ANKRD42: variants seen among roughly 807,000 people sequenced by gnomAD.
ANKRD42 encodes the protein ankyrin repeat domain 42, also known as ankyrin repeat domain-containing protein 42.
In ANKRD42, 43 loss-of-function variants were observed where a neutral mutation model predicts 51.5. The ratio of observed to expected loss-of-function variants is 0.83; its 90% CI spans 0.65 to 1.08. The LOEUF (loss-of-function observed/expected upper bound fraction) is 1.08, where lower values mean the gene tolerates loss of function less well. Among genes scored for constraint, ANKRD42 ranks in the 50% least tolerant of loss-of-function variants. The pLI, the probability that ANKRD42 is intolerant of heterozygous loss-of-function variation, is 0.00. For missense variants in ANKRD42, 608 were observed against 629.3 expected (o/e 0.97, Z 0.36); for synonymous variants, 203 against 213.0 (o/e 0.95, Z 0.41).
At chr11:83,249,862 A>G (rs554838637), downstream of ANKRD42, among the ~76,000 whole-genome samples, 1 of 152,338 alleles carries the variant, frequency 6.6e-6, no homozygotes, top group East Asian at 1.9e-4. Flanking sequence ...GAGGAATAAT[A>G]ATACCTACCT....
At chr11:83,208,551 G>A (rs1179352520) in intron 3 of ANKRD42, among the ~76,000 whole-genome samples, 4 of 152,154 alleles carry the variant, frequency 2.6e-5, no homozygotes, top group Non-Finnish European at 5.9e-5. Flanking sequence ...ATTTTTTGCT[G>A]TAATCACTAA....
chr11:83,262,803 G>T (rs1486840277), downstream of ANKRD42, among the ~76,000 whole-genome samples: 1 of 152,142 alleles, frequency 6.6e-6, no homozygotes, highest in African/African-American at 2.4e-5. Flanking sequence ...TCAGTTTTAA[G>T]AAATGGGATT....
chr11:83,247,203 G>A (rs1863567213), intron 10 of ANKRD42, among the ~76,000 whole-genome samples: 1 of 151,580 alleles, frequency 6.6e-6, no homozygotes, highest in African/African-American at 2.4e-5. Flanking sequence ...AGTACCTCAT[G>A]GTGGAAAAAT....
In ANKRD42 at chr11:83,236,277, C is replaced by T. The variant is rs185603581; in HGVS notation, c.914-127C>T. 3 of 558,112 alleles carry T rather than the reference C, an allele frequency of 5.4e-6. No homozygotes were observed. The East Asian group carries it at 9.2e-5, about 17-fold the overall frequency. The allele number at this position is 558,112 out of a possible 1,614,324, so 34.6% of individuals were successfully genotyped here. Reference sequence around the variant, plus strand: ...TAATATTTGCCCAATGTACTTTTGCCAGTTACTGCAAGGATCAATACTTAA... The same window carrying T: ...TAATATTTGCCCAATGTACTTTTGCTAGTTACTGCAAGGATCAATACTTAA... On this transcript the variant is annotated intron_variant, in intron 7 of 10. Coordinates refer to ENST00000533342, the MANE Select transcript of ANKRD42 (RefSeq NM_001300975.2).
At chr11:83,222,550 A>G (rs1317203541) in intron 5 of ANKRD42, among the ~76,000 whole-genome samples, 2 of 152,232 alleles carry the variant, frequency 1.3e-5, no homozygotes, top group Non-Finnish European at 2.9e-5. Flanking sequence ...TGAGGAAGTG[A>G]CAATTGGATA....
chr11:83,254,931 C>T (rs899262673), intron 11 of ANKRD42, among the ~76,000 whole-genome samples: 1 of 152,174 alleles, frequency 6.6e-6, no homozygotes, highest in Non-Finnish European at 1.5e-5. Flanking sequence ...TTATCCTACT[C>T]TCAAGTTTGC....
chr11:83,227,605 C>G (rs1565189802), intron 6 of ANKRD42, 142 bp from the exon 7 acceptor site: 1 of 706,944 alleles, frequency 1.4e-6, no homozygotes, highest in South Asian at 2.2e-5. Context: ...TCTCTTTTTA[C>G]TGGTAGTCAT....
chr11:83,209,817 T>C (rs1862235414), intron 3 of ANKRD42: 1 of 540,080 alleles, frequency 1.9e-6, no homozygotes, highest in Admixed American at 3.1e-5. Context: ...ACCACCACCA[T>C]AGCCCAGCCA....
At chr11:83,236,267 G>A (rs1291766954) in intron 7 of ANKRD42, 137 bp from the exon 8 acceptor site, 1 of 535,972 alleles carries the variant, frequency 1.9e-6, no homozygotes, top group Non-Finnish European at 3.3e-6. Flanking sequence ...TTTGCCCAAT[G>A]TACTTTTGCC....
downstream of ANKRD42, among the ~76,000 whole-genome samples, chr11:83,251,258 C>T (rs140142392): frequency 5.3e-5 from 8 of 152,288 alleles, no homozygotes; most frequent in East Asian, 5.8e-4. Flanking sequence ...CCTGGTCACA[C>T]GTGATCTCTC....
downstream of ANKRD42, among the ~76,000 whole-genome samples, chr11:83,252,105 T>C (rs651786): frequency 0.72 from 109,625 of 152,128 alleles, 40,283 homozygotes; most frequent in African/African-American, 0.85. Context: ...GCAAGACTTG[T>C]GTAGGCATTT....
intron 1 of ANKRD42, among the ~76,000 whole-genome samples, chr11:83,196,951 T>A (rs868149539): frequency 6.6e-6 from 1 of 152,162 alleles, no homozygotes; most frequent in African/African-American, 2.4e-5. Flanking sequence ...CTGTGTAAGA[T>A]GGATTAGAGG....
intron 7 of ANKRD42, among the ~76,000 whole-genome samples, chr11:83,232,101 C>CTT (rs59648047): frequency 1.4e-5 from 2 of 140,530 alleles, no homozygotes; most frequent in South Asian, 2.2e-4. Flanking sequence ...TAAATTTTAG[C>CTT]TTTTTTTTTT....
intron 5 of ANKRD42, chr11:83,213,098 A>T (rs1862391502): frequency 6.2e-7 from 1 of 1,601,138 alleles, no homozygotes; most frequent in Non-Finnish European, 8.5e-7. Flanking sequence ...TGTCAAAATT[A>T]AGTGTAACTG....
intron 5 of ANKRD42, chr11:83,213,194 A>G (rs377015141): frequency 1.9e-6 from 3 of 1,600,892 alleles, no homozygotes; most frequent in East Asian, 2.2e-5. Flanking sequence ...GGGAGCGACA[A>G]AAAAAACAAA....
intron 10 of ANKRD42, among the ~76,000 whole-genome samples, chr11:83,247,535 G>C (rs1944085): frequency 2.0e-5 from 3 of 152,092 alleles, no homozygotes; most frequent in African/African-American, 4.8e-5. Flanking sequence ...GCTTGGCTTA[G>C]AAGCCCCCTT....
downstream of ANKRD42, among the ~76,000 whole-genome samples, chr11:83,249,279 C>T (rs1247536103): frequency 1.3e-5 from 2 of 152,206 alleles, no homozygotes; most frequent in African/African-American, 4.8e-5. Context: ...CATCATAGGG[C>T]ACTGTAGCCT....
intron 11 of ANKRD42, among the ~76,000 whole-genome samples, chr11:83,254,427 T>C (rs1341195647): frequency 7.9e-6 from 1 of 126,900 alleles, no homozygotes; most frequent in Non-Finnish European, 1.6e-5. Flanking sequence ...GTTTTTCTTT[T>C]TTCTTTTCTT....
At chr11:83,236,833 C>G (rs1863239124) in intron 8 of ANKRD42, among the ~76,000 whole-genome samples, 1 of 152,126 alleles carries the variant, frequency 6.6e-6, no homozygotes. Context: ...CTGCAGTGCT[C>G]AGAACAGTAA....
Sources: allele counts gnomAD v4.1 joint callset (sites outside exome capture counted in the v4.1 genomes callset), GRCh38; gene constraint gnomAD v4.1.1; transcripts MANE v1.5; gene names NCBI Gene and HGNC (gene_info 2026-07-23, HGNC 2026-07-21).